The following CREBBP variants were observed in gnomAD, a reference collection of about 807,000 sequenced individuals.
CREBBP encodes the protein CREB binding lysine acetyltransferase.
Under a neutral mutation model 265.0 loss-of-function variants are expected in CREBBP, and 19 were observed. That is an observed-to-expected ratio of 0.07 (90% confidence interval 0.05 to 0.11). The LOEUF (loss-of-function observed/expected upper bound fraction) is 0.11. Among genes scored for constraint, CREBBP ranks in the 10% least tolerant of loss-of-function variants. The pLI is 1.00. For synonymous variants in CREBBP, 1,457 were observed against 1,223.7 expected (o/e 1.19, Z -3.98); for missense variants, 2,525 against 3,219.0 (o/e 0.78, Z 5.22).
chr16:3,848,808 G>A (rs1017903187), intron 2 of CREBBP, among the ~76,000 whole-genome samples: 1 of 152,228 alleles, frequency 6.6e-6, no homozygotes, highest in African/African-American at 2.4e-5. Context: ...CTTCTCAATT[G>A]ACACACTCAT....
At chr16:3,854,452 C>T (rs1363196502) in intron 1 of CREBBP, among the ~76,000 whole-genome samples, 1 of 152,218 alleles carries the variant, frequency 6.6e-6, no homozygotes, top group Non-Finnish European at 1.5e-5. Context: ...AACCCTAGTA[C>T]TTCCCCACCT....
intron 16 of CREBBP, among the ~76,000 whole-genome samples, chr16:3,761,109 C>G (rs1456263040): frequency 6.6e-6 from 1 of 152,202 alleles, no homozygotes; most frequent in African/African-American, 2.4e-5. Context: ...CATGCACCAC[C>G]ACACCCAGCT....
intron 2 of CREBBP, among the ~76,000 whole-genome samples, chr16:3,816,232 G>A (rs899833845): frequency 2.6e-5 from 4 of 152,178 alleles, no homozygotes; most frequent in African/African-American, 9.7e-5. Context: ...CCATTAAAAA[G>A]CATTGTGACC....
At chr16:3,848,027 G>A (rs547634041) in intron 2 of CREBBP, among the ~76,000 whole-genome samples, 150 of 152,122 alleles carry the variant, frequency 9.9e-4, no homozygotes, top group African/African-American at 3.5e-3. Context: ...AAAGTTAGCC[G>A]GGAGCAGTGG....
In CREBBP at chr16:3,810,694, G is replaced by C; in HGVS notation, c.884C>G (p.Pro295Arg). The C allele has an allele frequency of 6.2e-7, 1 of 1,613,898 alleles. No homozygotes were observed. Among genetic ancestry groups the C allele is most frequent in the Non-Finnish European group, 8.5e-7 (1 of 1,179,996 alleles). ...GQPMGATGVNPQLASKQSMVN... is the reference protein window; with the variant it reads ...GQPMGATGVNRQLASKQSMVN... ...CATGCTCTGTTTGCTGGCTAACTGGGGGTTCACTCCAGTGGCTCCCATTGG... is the reference window on the plus strand; with the variant it reads ...CATGCTCTGTTTGCTGGCTAACTGGCGGTTCACTCCAGTGGCTCCCATTGG... Residue 295 changes from proline (P) to arginine (R), a missense_variant, in exon 3 of 31, where the codon CCC becomes CGC. Pro to Arg is a moderately radical substitution (Grantham distance 103, BLOSUM62 -2). This residue lies in a region of CREBBP where 126 missense variants were observed against 171.9 expected (regional missense o/e 0.73). Coordinates refer to ENST00000262367, the MANE Select transcript of CREBBP (RefSeq NM_004380.3).
At chr16:3,740,341 T>C in intron 24 of CREBBP, 58 bp downstream of exon 24, 1 of 1,605,552 alleles carries the variant, frequency 6.2e-7, no homozygotes. Flanking sequence ...GAGAGCAGGC[T>C]CTGGCAAGCG....
intron 1 of CREBBP, among the ~76,000 whole-genome samples, chr16:3,859,768 G>A (rs2055035393): frequency 6.6e-6 from 1 of 152,218 alleles, no homozygotes; most frequent in Non-Finnish European, 1.5e-5. Context: ...AACACATGGA[G>A]GTTCCTGAAG....
chr16:3,838,754 G>A (rs2054506834), intron 2 of CREBBP, among the ~76,000 whole-genome samples: 1 of 151,982 alleles, frequency 6.6e-6, no homozygotes, highest in Non-Finnish European at 1.5e-5. Context: ...TTGATCTGTT[G>A]CCCGGGCTGG....
chr16:3,793,657 T>C (rs547638322), intron 3 of CREBBP, 31 bp from the exon 4 acceptor site: 2 of 1,606,914 alleles, frequency 1.2e-6, no homozygotes, highest in East Asian at 2.2e-5. Flanking sequence ...AAAAATACTT[T>C]AACCTCTCAG....
At chr16:3,845,913 T>G (rs11641279) in intron 2 of CREBBP, among the ~76,000 whole-genome samples, 1 of 143,550 alleles carries the variant, frequency 7.0e-6, no homozygotes, top group Non-Finnish European at 1.5e-5. Flanking sequence ...AAAAAAGTCA[T>G]GTAATAAGGA....
chr16:3,751,391 AC>A (rs1170460987), intron 20 of CREBBP, among the ~76,000 whole-genome samples: 1 of 152,242 alleles, frequency 6.6e-6, no homozygotes, highest in Non-Finnish European at 1.5e-5. Context: ...GGAGTTTGAG[AC>A]TAGCCTGGGC....
rs2141616852 is a variant in CREBBP, at chr16:3,879,935, A to G, written c.-19T>C. ...CAGCCATTTTCACCTGCTCGCGAAA[A>G]CAGCCCCGGGCACGGGCGGCCGGGC... On this transcript the variant is annotated 5_prime_UTR_variant, in exon 1 of 31. Transcript: ENST00000262367. 6.2e-7 allele frequency: 1 copy of G among 1,607,132 alleles called. No individual in the cohort carries two copies. Among genetic ancestry groups the G allele is most frequent in the Non-Finnish European group, 8.5e-7 (1 of 1,176,938 alleles).
intron 28 of CREBBP, among the ~76,000 whole-genome samples, chr16:3,733,189 C>T (rs1463522731): frequency 1.3e-5 from 2 of 151,708 alleles, no homozygotes; most frequent in Non-Finnish European, 2.9e-5. Flanking sequence ...GGTGAAACTC[C>T]GTCTCTACTA....
rs761920015 is a variant in CREBBP at position 3,731,417 on chromosome 16, G to A, written c.4947C>T (p.Ile1649=). ...AGPVINTLPP[I]VDPDPLLSCD... ...AGCTGAGCAGGGGGTCGGGGTCGACGATGGGGGGCAGGGTGTTGATGACAG... is the reference window on the plus strand; with the variant it reads ...AGCTGAGCAGGGGGTCGGGGTCGACAATGGGGGGCAGGGTGTTGATGACAG... Residue 1649 remains isoleucine, a synonymous_variant, in exon 30 of 31, where the codon ATC becomes ATT. Transcript: ENST00000262367. The surrounding 1 kb of genome is among the most constrained non-coding windows in gnomAD (Gnocchi z 7.7). 14 of 1,605,334 alleles carry A rather than the reference G, an allele frequency of 8.7e-6. No individual in the cohort carries two copies. Among genetic ancestry groups the A allele is most frequent in the Middle Eastern group, 1.6e-4 (1 of 6,064 alleles).
chr16:3,849,433 GTGTGTGTGTGTGTGTGTGT>G (rs2054755414), intron 2 of CREBBP, among the ~76,000 whole-genome samples: 148 of 14,320 alleles, frequency 0.01, 4 homozygotes, highest in South Asian at 0.04. Context: ...GTGTGTGTGT[GTGTGTGTGTGTGTGTGTGT>G]GTGTGTGTGT....
chr16:3,781,484 G>T (rs1005386142), intron 6 of CREBBP, among the ~76,000 whole-genome samples, 178 bp from the exon 7 acceptor site: 2 of 152,050 alleles, frequency 1.3e-5, no homozygotes, highest in African/African-American at 4.8e-5. Flanking sequence ...TTTCAATAAT[G>T]GTAATCAACG....
At chr16:3,824,518 A>G (rs553901744) in intron 2 of CREBBP, among the ~76,000 whole-genome samples, 16 of 152,358 alleles carry the variant, frequency 1.1e-4, no homozygotes, top group African/African-American at 3.8e-4. Context: ...ACAGAAGGCA[A>G]GCACTGTCTC....
chr16:3,756,196 T>C (rs1439904814), intron 19 of CREBBP, among the ~76,000 whole-genome samples: 1 of 152,186 alleles, frequency 6.6e-6, no homozygotes, highest in Non-Finnish European at 1.5e-5. Context: ...TGTTGACGCT[T>C]ATTATTTGAA....
intron 3 of CREBBP, among the ~76,000 whole-genome samples, chr16:3,805,217 CACAA>C (rs1368085665): frequency 2.0e-5 from 3 of 152,192 alleles, no homozygotes; most frequent in Non-Finnish European, 2.9e-5. Context: ...CTTAAGAATA[CACAA>C]ACACTTAAAT....
Sources: allele counts gnomAD v4.1 joint callset (sites outside exome capture counted in the v4.1 genomes callset), GRCh38; gene constraint gnomAD v4.1.1; regional missense constraint gnomAD v4.1.1; non-coding constraint Gnocchi (gnomAD v3.1); transcripts MANE v1.5; gene names NCBI Gene and HGNC (gene_info 2026-07-23, HGNC 2026-07-21).